RIMS2: variants seen among roughly 807,000 people sequenced by gnomAD.
RIMS2 encodes the protein regulating synaptic membrane exocytosis 2.
A neutral mutation model predicts 174.4 loss-of-function variants in RIMS2; 59 were observed. That is an observed-to-expected ratio of 0.34 (90% CI 0.27 to 0.42). The LOEUF is 0.42. Among genes scored for constraint, RIMS2 ranks in the 10% least tolerant of loss-of-function variants. The pLI, the probability that RIMS2 is intolerant of heterozygous loss-of-function variation, is 1.00. For synonymous variants in RIMS2, 606 were observed against 572.5 expected, an observed-to-expected ratio of 1.06 and a Z score of -0.84; for missense variants, 1,620 against 1,666.3, an observed-to-expected ratio of 0.97 and a Z score of 0.48.
intron 1 of RIMS2, among the ~76,000 whole-genome samples, chr8:103,637,005 T>C (rs1416630312): frequency 1.3e-5 from 2 of 152,182 alleles, no homozygotes; most frequent in African/African-American, 4.8e-5. Context: ...CTTGATTGGG[T>C]GGCTTCCTAA....
intron 1 of RIMS2, among the ~76,000 whole-genome samples, chr8:103,692,882 G>A (rs1297242622): frequency 1.3e-5 from 2 of 152,320 alleles, no homozygotes; most frequent in East Asian, 3.9e-4. Flanking sequence ...ACCTCAGCTG[G>A]TTTCTCACTG....
chr8:103,989,557 T>G, intron 17 of RIMS2, 136 bp downstream of exon 19: 1 of 541,978 alleles, frequency 1.8e-6, no homozygotes, highest in Non-Finnish European at 3.2e-6. Context: ...AACGCTTACA[T>G]TATTTCTTAT....
intron 3 of RIMS2, among the ~76,000 whole-genome samples, chr8:103,795,798 A>G (rs1328940572): frequency 6.6e-6 from 1 of 152,176 alleles, no homozygotes; most frequent in Non-Finnish European, 1.5e-5. Context: ...CAAATATGAT[A>G]TTTATTCCCA....
intron 2 of RIMS2, among the ~76,000 whole-genome samples, chr8:103,704,975 A>AT (rs2137645681): frequency 6.7e-6 from 1 of 150,252 alleles, no homozygotes; most frequent in Admixed American, 6.6e-5. Context: ...TTTTTATTAT[A>AT]TTTTTTCTTT....
At chr8:104,148,895 A>G in intron 19 of RIMS2, 47 bp downstream of exon 25, 2 of 1,562,502 alleles carry the variant, frequency 1.3e-6, no homozygotes, top group Non-Finnish European at 1.7e-6. Context: ...AGTTGTCATT[A>G]CAAGATATAT....
At chr8:103,766,453 G>T (rs764406511) in exon 3 of RIMS2, 1 of 1,613,742 alleles carries the variant, frequency 6.2e-7, no homozygotes, top group Non-Finnish European at 8.5e-7. Flanking sequence ...GAGAAAAGTC[G>T]ATCTCATGGG....
intron 19 of RIMS2, among the ~76,000 whole-genome samples, chr8:104,081,532 T>C (rs2097420718): frequency 6.6e-6 from 1 of 151,944 alleles, no homozygotes; most frequent in Non-Finnish European, 1.5e-5. Context: ...TTTAAGCATA[T>C]CCCTAAAGTT....
In RIMS2 at chr8:104,195,168, A is replaced by G. The variant is rs75053717; in HGVS notation, c.3335-49748A>G. Among the ~76,000 whole-genome samples, 812 of 152,340 alleles carry G rather than the reference A, an allele frequency of 5.3e-3. 4 individuals carry two copies. The highest frequency in any genetic ancestry group is 0.018 in the African/African-American group (750 of 41,576). Reference sequence around the variant, plus strand: ...TTTTTGATAATAGAAATTAGAGATTATGAGGCCCTGAATTAGGGATTAAGA... The same window carrying G: ...TTTTTGATAATAGAAATTAGAGATTGTGAGGCCCTGAATTAGGGATTAAGA... On this transcript the variant is annotated intron_variant, in intron 19 of 23. Coordinates refer to ENST00000504942, the Ensembl canonical transcript of RIMS2.
rs540754262 is a variant in RIMS2, at chr8:103,624,907, G to A, written c.177-72179G>A. ...CATACACACAAAAATAAATAAAATG[G>A]TGCACAGAAAATACTAAGCCCCTTT... On this transcript the variant is annotated intron_variant, in intron 1 of 23. Transcript: ENST00000504942. 3.9e-5 allele frequency among the ~76,000 whole-genome samples: 6 copies of A among 152,150 alleles called. No individual in the cohort carries two copies. The East Asian group carries it at 5.8e-4, about 15-fold the overall frequency.
intron 19 of RIMS2, among the ~76,000 whole-genome samples, chr8:104,210,377 T>C (rs1053023875): frequency 6.6e-6 from 1 of 152,210 alleles, no homozygotes; most frequent in Non-Finnish European, 1.5e-5. Context: ...AGTTTACAGG[T>C]AGAAATATTA....
intron 17 of RIMS2, among the ~76,000 whole-genome samples, chr8:104,006,626 TTC>T (rs55665972): frequency 0.055 from 7,578 of 137,994 alleles, 280 homozygotes; most frequent in African/African-American, 0.12. Flanking sequence ...AGTGATCTAT[TTC>T]TCTCTCTCTC....
intron 2 of RIMS2, among the ~76,000 whole-genome samples, chr8:103,700,591 T>G (rs1304655597): frequency 6.6e-6 from 1 of 151,996 alleles, no homozygotes; most frequent in Non-Finnish European, 1.5e-5. Context: ...GACAGTCTCT[T>G]CCTTTTAATT....
At chr8:103,837,858 A>C (rs925121519) in intron 3 of RIMS2, among the ~76,000 whole-genome samples, 1 of 151,800 alleles carries the variant, frequency 6.6e-6, no homozygotes, top group African/African-American at 2.4e-5. Flanking sequence ...ATGATTTATA[A>C]TCCTTTGGGT....
chr8:104,034,726 TC>T (rs1433148363), intron 19 of RIMS2, among the ~76,000 whole-genome samples: 1 of 152,046 alleles, frequency 6.6e-6, no homozygotes, highest in African/African-American at 2.4e-5. Context: ...CACCTCAGCC[TC>T]CCAAAGTGCT....
intron 3 of RIMS2, among the ~76,000 whole-genome samples, chr8:103,783,416 C>A (rs199822792): frequency 2.7e-5 from 4 of 150,054 alleles, no homozygotes; most frequent in Admixed American, 6.7e-5. Flanking sequence ...GCTATCCCTC[C>A]CCCCTCACCC....
rs540526161 is a variant in RIMS2 at position 103,674,735 on chromosome 8, G to T, written c.177-22351G>T. Among the ~76,000 whole-genome samples the T allele has an allele frequency of 5.5e-4, 83 of 151,886 alleles. 1 individual carries two copies. The highest frequency in any genetic ancestry group is 1.9e-3 in the African/African-American group (80 of 41,436). On this transcript the variant is annotated intron_variant, in intron 1 of 23. Coordinates refer to ENST00000504942, the Ensembl canonical transcript of RIMS2. The stretch of plus-strand genomic sequence containing the variant: ...AACCCTGGTTTTTAGTGAAAACCTA[G>T]CATAAGTAATTTTGAACTGTTTTAT...
chr8:103,626,341 T>A (rs1411279862), intron 1 of RIMS2, among the ~76,000 whole-genome samples: 1 of 152,130 alleles, frequency 6.6e-6, no homozygotes, highest in Non-Finnish European at 1.5e-5. Flanking sequence ...AGTTTTTGTT[T>A]GATGTGTATA....
intron 1 of RIMS2, among the ~76,000 whole-genome samples, chr8:103,545,081 A>T (rs1587315616): frequency 6.6e-6 from 1 of 152,382 alleles, no homozygotes; most frequent in Non-Finnish European, 1.5e-5. Context: ...CAGAATGTGA[A>T]TAGGAATGAA....
At chr8:103,907,105 T>A (rs2074581254) in intron 4 of RIMS2, among the ~76,000 whole-genome samples, 1 of 152,238 alleles carries the variant, frequency 6.6e-6, no homozygotes, top group African/African-American at 2.4e-5. Flanking sequence ...CTGAAACATC[T>A]AACCATAATC....
Sources: gnomAD v4.1 joint callset for allele counts (sites outside exome capture counted in the v4.1 genomes callset) on GRCh38, gnomAD v4.1.1 for gene constraint, MANE v1.5 for transcripts, NCBI Gene and HGNC (gene_info 2026-07-23, HGNC 2026-07-21) for gene names.